COL18A1: variants seen among roughly 807,000 people sequenced by gnomAD.
COL18A1 encodes collagen alpha-1(XVIII) chain.
In COL18A1, 133 loss-of-function variants were observed where a neutral mutation model predicts 168.0. The ratio of observed to expected loss-of-function variants is 0.79; its 90% CI spans 0.69 to 0.91. The LOEUF is 0.91. Ranked by LOEUF, COL18A1 falls within the 40% of genes least tolerant of loss-of-function variation. COL18A1 has a pLI of 0.00. For synonymous variants in COL18A1, 949 were observed against 809.0 expected (o/e 1.17, Z -2.94); for missense variants, 2,126 against 1,925.4 (o/e 1.10, Z -1.95).
At position 45,511,177 on chromosome 21, in the gene COL18A1, G is replaced by A. The variant is rs2037588230; in HGVS notation, c.3760G>A (p.Ala1254Thr). The A allele has an allele frequency of 6.2e-7, 1 of 1,601,482 alleles. No individual in the cohort carries two copies. Among genetic ancestry groups the A allele is most frequent in the East Asian group, 2.3e-5 (1 of 44,280 alleles). ...SGSEGPLKPG[A>T]RIFSFDGKDV... Reference sequence around the variant, plus strand: ...CTCTGAGGGTCCGCTGAAGCCCGGGGCACGCATCTTCTCCTTTGACGGCAA... The same window carrying A: ...CTCTGAGGGTCCGCTGAAGCCCGGGACACGCATCTTCTCCTTTGACGGCAA... Residue 1254 changes from alanine (A) to threonine (T), a missense_variant, in exon 41 of 42, where the codon GCA (alanine) becomes ACA (threonine). Transcript: ENST00000651438.
chr21:45,505,402 C>T lies in COL18A1; in HGVS notation c.3058C>T (p.Pro1020Ser), dbSNP rs1370299892. The change falls in exon 36 of 42, where the codon CCC becomes TCC. Residue 1020 changes from proline (P) to serine (S), a missense_variant. Pro to Ser is a moderately conservative substitution (Grantham distance 74). Coordinates refer to ENST00000651438, the MANE Select transcript of COL18A1 (RefSeq NM_001379500.1). ...TCCGGGCCCCCCTGGGCCCCCTGGG[C>T]CCCCTGGAACCATGGGCGCCTCCTC... is the stretch of plus-strand genomic sequence containing the variant. ...GPPGPPGPPG[P>S]PGTMGASSGV... 6.3e-6 allele frequency: 10 copies of T among 1,577,864 alleles called. No homozygotes were observed. The highest frequency in any genetic ancestry group is 8.7e-6 in the Non-Finnish European group (10 of 1,153,730).
In COL18A1 at chr21:45,490,266, C is replaced by T. The variant is rs770444751; in HGVS notation, c.1960-9C>T. 2.5e-6 allele frequency: 4 copies of T among 1,576,516 alleles called. No homozygotes were observed. Among genetic ancestry groups the T allele is most frequent in the Non-Finnish European group, 3.4e-6 (4 of 1,161,744 alleles). On this transcript the variant is annotated splice_polypyrimidine_tract_variant and intron_variant, in intron 19 of 41. Coordinates refer to ENST00000651438, the MANE Select transcript of COL18A1 (RefSeq NM_001379500.1). ...CCAATGCCCTGCGTCCTCCATGTGA[C>T]CCTTTCAGGGAGAAGTTGGAGCAGA...
chr21:45,456,815 C>T (rs1602425886), intron 2 of COL18A1: 2 of 1,531,102 alleles, frequency 1.3e-6, no homozygotes, highest in Admixed American at 2.1e-5. Flanking sequence ...GGGCCGGCTG[C>T]CCGTCGCCTG....
In COL18A1 at chr21:45,488,455, GAT is replaced by G. The variant is rs750682932; in HGVS notation, c.1923+14_1923+15del. The G allele has an allele frequency of 9.0e-5, 145 of 1,613,942 alleles. 1 individual carries two copies. The East Asian group carries it at 2.5e-3, about 28-fold the overall frequency. ...CTGCCGGGACTTAAGGTCAGTGACGGATATGTCTGGGTTTCTGTGGTTGCTGG... is the reference window on the plus strand; with the variant it reads ...CTGCCGGGACTTAAGGTCAGTGACGGATGTCTGGGTTTCTGTGGTTGCTGG... On this transcript the variant is annotated intron_variant, in intron 18 of 41. Coordinates refer to ENST00000651438, the MANE Select transcript of COL18A1 (RefSeq NM_001379500.1).
intron 37 of COL18A1, 26 bp from the exon 38 acceptor site, chr21:45,507,535 T>C (rs1166214605): frequency 6.2e-7 from 1 of 1,610,024 alleles, no homozygotes; most frequent in South Asian, 1.1e-5. Flanking sequence ...CCGCAGGTCC[T>C]GGGTGACCCT....
At chr21:45,426,820 G>C (rs888220220) in intron 2 of COL18A1, among the ~76,000 whole-genome samples, 2 of 152,240 alleles carry the variant, frequency 1.3e-5, no homozygotes, top group Non-Finnish European at 2.9e-5. Context: ...CTGTTGAGGG[G>C]TCTGGGAGGG....
At chr21:45,490,560 C>CTGGG (rs2036293840) in intron 20 of COL18A1, among the ~76,000 whole-genome samples, 1 of 116,010 alleles carries the variant, frequency 8.6e-6, no homozygotes, top group African/African-American at 3.5e-5. Context: ...TCCTGGGTCT[C>CTGGG]CGTGTGCCCT....
chr21:45,491,051 G>A (rs1303714924), intron 21 of COL18A1, among the ~76,000 whole-genome samples, 174 bp from the exon 22 acceptor site: 2 of 152,132 alleles, frequency 1.3e-5, no homozygotes, highest in Non-Finnish European at 2.9e-5. Context: ...TGGCTCAACC[G>A]TCCCTGTTGG....
chr21:45,441,172 G>T (rs1282506513), intron 2 of COL18A1, among the ~76,000 whole-genome samples: 1 of 152,172 alleles, frequency 6.6e-6, no homozygotes, highest in East Asian at 1.9e-4. Context: ...CTGGGGTCTT[G>T]CAGGTTCTGG....
chr21:45,427,467 A>T (rs1456060163), intron 2 of COL18A1, among the ~76,000 whole-genome samples: 1 of 152,050 alleles, frequency 6.6e-6, no homozygotes, highest in Non-Finnish European at 1.5e-5. Flanking sequence ...GGCACTGACC[A>T]GACTGTGTGC....
intron 37 of COL18A1, 28 bp downstream of exon 37, chr21:45,505,994 A>C (rs1459995225): frequency 6.2e-7 from 1 of 1,612,674 alleles, no homozygotes; most frequent in Non-Finnish European, 8.5e-7. Flanking sequence ...CGGGTTCTGG[A>C]CCCGTGGAAG....
intron 2 of COL18A1, chr21:45,424,338 C>T (rs571927571): frequency 1.1e-4 from 17 of 152,184 alleles, no homozygotes; most frequent in African/African-American, 4.1e-4. Context: ...AGTGGGAGGC[C>T]CTCTCTGCAG....
intron 3 of COL18A1, among the ~76,000 whole-genome samples, chr21:45,472,061 C>T (rs1325396565): frequency 2.0e-5 from 3 of 152,248 alleles, no homozygotes; most frequent in Middle Eastern, 3.4e-3. Flanking sequence ...CTCAGGAGAG[C>T]GCTGTGGCCA....
At position 45,513,601 on chromosome 21, in the gene COL18A1, A is replaced by G. The variant is rs886057147; in HGVS notation, c.*1203A>G. On this transcript the variant is annotated 3_prime_UTR_variant, in exon 42 of 42. Coordinates refer to ENST00000651438, the MANE Select transcript of COL18A1 (RefSeq NM_001379500.1). ...GACTCAGGGCAGCGCCAGGCTGACC[A>G]CAGCACAGCCAACACGCACCTGCCT... is the stretch of plus-strand genomic sequence containing the variant. 2 of 152,370 alleles carry G rather than the reference A, an allele frequency of 1.3e-5. No homozygotes were observed. The highest frequency in any genetic ancestry group is 3.9e-4 in the East Asian group (2 of 5,184). 9.4% of individuals were successfully genotyped at this position (152,370 alleles called of 1,614,324 possible).
intron 2 of COL18A1, chr21:45,422,723 G>T: frequency 3.5e-6 from 1 of 287,252 alleles, no homozygotes; most frequent in Non-Finnish European, 7.0e-6. Flanking sequence ...GGGGCTGTGG[G>T]CCTCCTGGGT....
chr21:45,455,441 A>G, intron 2 of COL18A1: 2 of 1,559,306 alleles, frequency 1.3e-6, no homozygotes, highest in Admixed American at 1.7e-5. Flanking sequence ...AAGCCTGCAC[A>G]GGGGAGGGCA....
Position 45,498,092 on chromosome 21 carries a change from C to T in COL18A1, c.2683+431C>T. On this transcript the variant is annotated intron_variant, in intron 32 of 41. Transcript: ENST00000651438. This position sits in a 1 kb window ranked among gnomAD's most constrained non-coding sequence, Gnocchi z 4.5. ...CGACAGGCCGTCTGGAGGGTGAGCC[C>T]AGCACCCCTGCTCCCCCAAAGGACA... 2 of 617,080 alleles carry T rather than the reference C, an allele frequency of 3.2e-6. No individual in the cohort carries two copies. The highest frequency in any genetic ancestry group is 2.7e-5 in the East Asian group (1 of 36,644). The allele number at this position is 617,080 out of a possible 1,614,324, so 38.2% of individuals were successfully genotyped here.
intron 15 of COL18A1, among the ~76,000 whole-genome samples, chr21:45,483,273 G>A (rs1482182831): frequency 1.3e-5 from 2 of 152,170 alleles, no homozygotes; most frequent in Non-Finnish European, 2.9e-5. Flanking sequence ...CCGTCCCGCA[G>A]GCTCATGAGC....
chr21:45,421,436 T>C (rs764264708), intron 2 of COL18A1: 3 of 534,380 alleles, frequency 5.6e-6, no homozygotes, highest in Non-Finnish European at 1.2e-5. Flanking sequence ...TGTTGGGGGC[T>C]GTGTTGCAGT....
Sources: gnomAD v4.1 joint callset for allele counts (sites outside exome capture counted in the v4.1 genomes callset) on GRCh38, gnomAD v4.1.1 for gene constraint, Gnocchi (gnomAD v3.1) non-coding constraint, MANE v1.5 for transcripts, NCBI Gene and HGNC (gene_info 2026-07-23, HGNC 2026-07-21) for gene names.